ACOT12: variants seen among roughly 807,000 people sequenced by gnomAD.
The protein encoded by ACOT12 is acetyl-coenzyme A thioesterase.
A neutral mutation model predicts 67.7 loss-of-function variants in ACOT12; 51 were observed. The ratio of observed to expected loss-of-function variants is 0.75; its 90% CI spans 0.60 to 0.95. The LOEUF (loss-of-function observed/expected upper bound fraction) is 0.95, where lower values mean the gene tolerates loss of function less well. ACOT12 is among the 40% of genes least tolerant of loss of function. ACOT12 has a pLI of 0.00. For missense variants in ACOT12, 734 were observed against 708.1 expected (o/e 1.04, Z -0.41); for synonymous variants, 251 against 244.6 (o/e 1.03, Z -0.24).
At chr5:81,336,152 G>GTT (rs374700198) in intron 11 of ACOT12, among the ~76,000 whole-genome samples, 1 of 147,288 alleles carries the variant, frequency 6.8e-6, no homozygotes. Context: ...TTGCACAACA[G>GTT]TTTTTTTTTT....
chr5:81,344,106 A>T, intron 9 of ACOT12, 54 bp downstream of exon 9: 1 of 1,565,894 alleles, frequency 6.4e-7, no homozygotes, highest in Non-Finnish European at 8.7e-7. Flanking sequence ...GCTCTTATAT[A>T]ATTTGTCAGA....
At chr5:81,344,028 G>T in intron 9 of ACOT12, 132 bp downstream of exon 9, 1 of 1,229,660 alleles carries the variant, frequency 8.1e-7, no homozygotes, top group Non-Finnish European at 1.2e-6. Context: ...TCAGTAGTCA[G>T]CCTTTGCGGC....
the ACOT12 span, among the ~76,000 whole-genome samples, chr5:81,319,488 C>A: frequency 2.0e-5 from 3 of 152,196 alleles, no homozygotes; most frequent in Non-Finnish European, 4.4e-5. Flanking sequence ...GAGGCCAAGG[C>A]GGGCGGATTA....
At chr5:81,380,810 G>C (rs1258565578) in intron 2 of ACOT12, among the ~76,000 whole-genome samples, 1 of 152,094 alleles carries the variant, frequency 6.6e-6, no homozygotes, top group Non-Finnish European at 1.5e-5. Context: ...TTTAATGACA[G>C]GGGTGTGTTC....
intron 14 of ACOT12, 110 bp from the exon 15 acceptor site, chr5:81,330,653 G>C (rs575272775): frequency 1.4e-6 from 2 of 1,479,740 alleles, no homozygotes; most frequent in Non-Finnish European, 1.8e-6. Context: ...TAATCTTCTG[G>C]GGGACCTTCT....
chr5:81,373,893 G>C (rs894480665), intron 2 of ACOT12, among the ~76,000 whole-genome samples: 18 of 152,306 alleles, frequency 1.2e-4, no homozygotes, highest in Non-Finnish European at 1.5e-5. Context: ...GGGGGAAGGG[G>C]TGGCTATGGG....
At chr5:81,346,157 T>C (rs1448653564) in intron 6 of ACOT12, among the ~76,000 whole-genome samples, 153 bp from the exon 7 acceptor site, 1 of 152,226 alleles carries the variant, frequency 6.6e-6, no homozygotes, top group Non-Finnish European at 1.5e-5. Context: ...GCACGCTACC[T>C]GCCAATATTT....
chr5:81,344,092 G>T, intron 9 of ACOT12, 68 bp downstream of exon 9: 1 of 1,499,392 alleles, frequency 6.7e-7, no homozygotes, highest in Admixed American at 1.9e-5. Context: ...AGACCCAGAG[G>T]GGGGCTCTTA....
chr5:81,348,100 A>C (rs1759438350), intron 5 of ACOT12, among the ~76,000 whole-genome samples, 170 bp from the exon 6 acceptor site: 2 of 152,216 alleles, frequency 1.3e-5, no homozygotes, highest in South Asian at 4.1e-4. Flanking sequence ...CTCTTATCTT[A>C]ATGGTGAATA....
chr5:81,358,533 T>C (rs574245544), intron 5 of ACOT12, among the ~76,000 whole-genome samples: 1 of 152,190 alleles, frequency 6.6e-6, no homozygotes, highest in Non-Finnish European at 1.5e-5. Flanking sequence ...CATTTAATGA[T>C]GAAGTCTTCA....
intron 6 of ACOT12, among the ~76,000 whole-genome samples, chr5:81,346,358 C>G (rs1759381499): frequency 6.6e-6 from 1 of 152,182 alleles, no homozygotes; most frequent in Non-Finnish European, 1.5e-5. Flanking sequence ...AAGTTCTGAT[C>G]CAGGTTGGAG....
At chr5:81,326,182 T>C (rs1483927080), downstream of ACOT12, among the ~76,000 whole-genome samples, 1 of 142,092 alleles carries the variant, frequency 7.0e-6, no homozygotes, top group Non-Finnish European at 1.5e-5. Flanking sequence ...CTTGAGTGCA[T>C]TGGCATGATC....
At chr5:81,345,605 A>G (rs1176523792) in intron 7 of ACOT12, among the ~76,000 whole-genome samples, 11 of 152,122 alleles carry the variant, frequency 7.2e-5, no homozygotes, top group Admixed American at 7.2e-4. Flanking sequence ...GGAAAAGTTA[A>G]TAATTATGCA....
intron 13 of ACOT12, 83 bp downstream of exon 13, chr5:81,332,394 G>T: frequency 1.4e-6 from 2 of 1,442,776 alleles, no homozygotes; most frequent in Non-Finnish European, 1.9e-6. Context: ...TATCTACACA[G>T]ACTTCATTAT....
At chr5:81,346,706 T>C (rs1245310971) in intron 6 of ACOT12, among the ~76,000 whole-genome samples, 5 of 152,216 alleles carry the variant, frequency 3.3e-5, no homozygotes, top group African/African-American at 7.2e-5. Flanking sequence ...TTACTGTCAC[T>C]AAGAATGACA....
intron 14 of ACOT12, 39 bp downstream of exon 14, chr5:81,330,775 G>T (rs1453470542): frequency 6.2e-7 from 1 of 1,600,438 alleles, no homozygotes; most frequent in Non-Finnish European, 8.5e-7. Context: ...TCGCTATCTG[G>T]CAGAGCCAAT....
At chr5:81,389,245 C>A (rs1273877638) in intron 1 of ACOT12, among the ~76,000 whole-genome samples, 2 of 152,128 alleles carry the variant, frequency 1.3e-5, no homozygotes, top group African/African-American at 4.8e-5. Flanking sequence ...GACTGCAATG[C>A]AGAGAGTAGG....
chr5:81,309,511 C>T, the ACOT12 span, among the ~76,000 whole-genome samples: 1 of 152,134 alleles, frequency 6.6e-6, no homozygotes, highest in Non-Finnish European at 1.5e-5. Flanking sequence ...TTCTCTTTAA[C>T]TCGGGTAATT....
downstream of ACOT12, among the ~76,000 whole-genome samples, chr5:81,327,810 A>C (rs1247262764): frequency 6.6e-6 from 1 of 152,176 alleles, no homozygotes; most frequent in Non-Finnish European, 1.5e-5. Flanking sequence ...CCATCAAAAA[A>C]ACAGCATGAA....
Sources: allele counts gnomAD v4.1 joint callset (sites outside exome capture counted in the v4.1 genomes callset), GRCh38; gene constraint gnomAD v4.1.1; transcripts MANE v1.5; gene names NCBI Gene and HGNC (gene_info 2026-07-23, HGNC 2026-07-21).